Variants in MYOM1 observed in about 807,000 individuals in gnomAD.
MYOM1 encodes the protein myomesin 1.
Under a neutral mutation model 205.3 loss-of-function variants are expected in MYOM1, and 164 were observed. That is an observed-to-expected ratio of 0.80 (90% CI 0.70 to 0.91). MYOM1 has a LOEUF of 0.91. MYOM1 is among the 40% of genes least tolerant of loss of function. The probability of loss-of-function intolerance (pLI) is 0.00; values close to 1 mark genes in which losing one functional copy is unlikely to be tolerated. For synonymous variants in MYOM1, 772 were observed against 789.4 expected (o/e 0.98, Z 0.37); for missense variants, 2,011 against 2,127.3 (o/e 0.95, Z 1.08).
chr18:3,083,421 CTTTTTCTTTTT>C (rs2079109573), intron 33 of MYOM1, among the ~76,000 whole-genome samples: 2 of 94,126 alleles, frequency 2.1e-5, no homozygotes, highest in Admixed American at 1.3e-4. Context: ...TTTTCTTTTT[CTTTTTCTTTTT>C]TTTTTTTTTT....
rs142953793 is a variant in MYOM1 at position 3,119,595 on chromosome 18, C to T, written c.3118+274G>A. Among the ~76,000 whole-genome samples, 6 of 152,268 alleles carry T rather than the reference C, an allele frequency of 3.9e-5. No homozygotes were observed. In the East Asian group the frequency reaches 9.6e-4, roughly 24 times the overall value. Reference sequence around the variant, plus strand: ...TTTAAACATTCATTTGCACTCAAGCCGGCTGCCTGTGCTAATCCTACTCCT... The same window carrying T: ...TTTAAACATTCATTTGCACTCAAGCTGGCTGCCTGTGCTAATCCTACTCCT... On this transcript the variant is annotated intron_variant, in intron 20 of 37. Coordinates refer to ENST00000356443, the MANE Select transcript of MYOM1 (RefSeq NM_003803.4).
At chr18:3,102,734 A>T in intron 22 of MYOM1, 104 bp from the exon 23 acceptor site, 1 of 1,216,668 alleles carries the variant, frequency 8.2e-7, no homozygotes, top group Non-Finnish European at 1.1e-6. Context: ...TAGGGCCCTG[A>T]TCCTAGGTCA....
At chr18:3,212,842 C>T (rs2081207659) in intron 2 of MYOM1, among the ~76,000 whole-genome samples, 1 of 149,816 alleles carries the variant, frequency 6.7e-6, no homozygotes, top group Admixed American at 6.6e-5. Context: ...TATTTGGAAG[C>T]AGTTCGTCTG....
chr18:3,085,995 G>A (rs748466873), intron 30 of MYOM1, 43 bp downstream of exon 30: 40 of 1,255,728 alleles, frequency 3.2e-5, no homozygotes, highest in Non-Finnish European at 2.3e-5. Flanking sequence ...AAGATAGAGG[G>A]TAGAGAGCTA....
chr18:3,120,730 G>A lies in MYOM1; in HGVS notation c.2992-735C>T, dbSNP rs544295866. ...GGGCATGTACAGGTGAAATTTAAAC[G>A]AGTTCTAAGCTAGGAATCAAAATGC... On this transcript the variant is annotated intron_variant, in intron 19 of 37. Transcript: ENST00000356443. Among the ~76,000 whole-genome samples the A allele has an allele frequency of 7.9e-5, 12 of 152,268 alleles. 1 individual carries two copies. In the South Asian group the frequency reaches 2.3e-3, roughly 29 times the overall value.
intron 22 of MYOM1, among the ~76,000 whole-genome samples, chr18:3,103,808 C>T (rs1335245178): frequency 6.6e-6 from 1 of 152,226 alleles, no homozygotes; most frequent in Non-Finnish European, 1.5e-5. Context: ...CAAATTGTGC[C>T]TGGCAGGATG....
At chr18:3,107,668 A>G (rs1285565346) in intron 22 of MYOM1, among the ~76,000 whole-genome samples, 2 of 152,228 alleles carry the variant, frequency 1.3e-5, no homozygotes, top group South Asian at 2.1e-4. Flanking sequence ...TATAACACCA[A>G]TATTTTGATA....
rs748455963 is a variant in MYOM1 at position 3,079,339 on chromosome 18, C to A, written c.4488G>T (p.Gly1496=). The change falls in exon 34 of 38, where the codon GGG becomes GGT. Residue 1496 remains glycine (G), a synonymous_variant. Transcript: ENST00000356443. ...EDLKVNWSHN[G]SAIRYSDRVK... ...CTCTGTCTGAGTACCTAATGGCGGA[C>A]CCACTGTGAAAATCGAAGAAAACTT... The A allele has an allele frequency of 3.7e-6, 6 of 1,604,224 alleles. No individual in the cohort carries two copies. Among genetic ancestry groups the A allele is most frequent in the Non-Finnish European group, 5.1e-6 (6 of 1,173,436 alleles).
At chr18:3,086,792 T>C (rs989435529) in intron 29 of MYOM1, among the ~76,000 whole-genome samples, 46 of 152,156 alleles carry the variant, frequency 3.0e-4, no homozygotes, top group African/African-American at 1.1e-3. Flanking sequence ...AAGGAGAATA[T>C]ACTCATGTAT....
At chr18:3,150,892 G>T (rs148852622) in intron 12 of MYOM1, among the ~76,000 whole-genome samples, 1,519 of 151,292 alleles carry the variant, frequency 0.01, 26 homozygotes, top group African/African-American at 0.035. Flanking sequence ...ACAGCTCACT[G>T]CAGCCTTGAC....
At chr18:3,084,146 G>T in intron 31 of MYOM1, 119 bp from the exon 32 acceptor site, 4 of 1,063,816 alleles carry the variant, frequency 3.8e-6, no homozygotes, top group Non-Finnish European at 5.6e-6. Context: ...GAAACAAGGT[G>T]AATTTGTCGA....
chr18:3,238,137 A>G, the MYOM1 span, among the ~76,000 whole-genome samples: 21,864 of 152,148 alleles, frequency 0.14, 2,321 homozygotes, highest in African/African-American at 0.3. Flanking sequence ...TTGTTCTCCT[A>G]CAACTGGACG....
chr18:3,184,873 C>T (rs2080788629), intron 5 of MYOM1, among the ~76,000 whole-genome samples: 1 of 152,208 alleles, frequency 6.6e-6, no homozygotes, highest in South Asian at 2.1e-4. Flanking sequence ...AAGCTTGTCT[C>T]TGTGTCTTCC....
rs984421174 is a variant in MYOM1, at chr18:3,141,960, G to A, written c.2004C>T (p.Gly668=). 1.9e-6 allele frequency: 3 copies of A among 1,613,798 alleles called. No individual in the cohort carries two copies. Among genetic ancestry groups the A allele is most frequent in the Non-Finnish European group, 2.5e-6 (3 of 1,179,822 alleles). Residue 668 remains glycine (G), a synonymous_variant, in exon 14 of 38, where the codon GGC becomes GGT. Transcript: ENST00000356443. ...WKPPGQRGHE[G]IMYFVEKCEA... ...TTACCTTTTCCACAAAGTACATAAT[G>A]CCCTCATGACCACGCTGGCCAGGGG... is the stretch of plus-strand genomic sequence containing the variant.
chr18:3,115,000 C>T (rs1313252474), intron 21 of MYOM1, among the ~76,000 whole-genome samples: 4 of 151,730 alleles, frequency 2.6e-5, no homozygotes, highest in African/African-American at 9.7e-5. Flanking sequence ...TCGCTTCACC[C>T]TAGTCAGTTC....
chr18:3,197,456 G>A (rs780992030), intron 2 of MYOM1, among the ~76,000 whole-genome samples: 1 of 152,024 alleles, frequency 6.6e-6, no homozygotes, highest in African/African-American at 2.4e-5. Context: ...AAAATTGGGA[G>A]CATACTACCT....
chr18:3,075,549 C>T (rs1247009553), intron 35 of MYOM1, 73 bp from the exon 36 acceptor site: 40 of 1,525,708 alleles, frequency 2.6e-5, no homozygotes, highest in South Asian at 6.7e-5. Context: ...CTAAACTTGA[C>T]GACATTTTCC....
intron 9 of MYOM1, 80 bp downstream of exon 9, chr18:3,168,737 C>T (rs2080509035): frequency 1.4e-6 from 2 of 1,464,942 alleles, no homozygotes; most frequent in Admixed American, 1.9e-5. Context: ...CAGATTCCAC[C>T]AGCTCCGATA....
At chr18:3,218,638 C>T (rs2144273533) in intron 1 of MYOM1, among the ~76,000 whole-genome samples, 1 of 152,126 alleles carries the variant, frequency 6.6e-6, no homozygotes, top group South Asian at 2.1e-4. Context: ...AATGTTAATA[C>T]AGAATTACGT....
Sources: gnomAD v4.1 joint callset for allele counts (sites outside exome capture counted in the v4.1 genomes callset) on GRCh38, gnomAD v4.1.1 for gene constraint, MANE v1.5 for transcripts, NCBI Gene and HGNC (gene_info 2026-07-23, HGNC 2026-07-21) for gene names.